The following PRRG1 variants were observed in gnomAD, a reference collection of about 807,000 sequenced individuals.
PRRG1 encodes the protein transmembrane gamma-carboxyglutamic acid protein 1.
In PRRG1, 5 loss-of-function variants were observed where a neutral mutation model predicts 11.8. The observed-to-expected ratio is 0.42, with a 90% CI of 0.22 to 0.89. The LOEUF is 0.89. Among genes scored for constraint, PRRG1 ranks in the 40% least tolerant of loss-of-function variants. PRRG1 has a pLI of 0.28. For missense variants in PRRG1, 155 were observed against 166.1 expected (o/e 0.93, Z 0.37); for synonymous variants, 66 against 60.4 (o/e 1.09, Z -0.43).
At chrX:37,435,978 G>C (rs1318738900) in intron 3 of PRRG1, among the ~76,000 whole-genome samples, 1 of 112,039 alleles carries the variant, frequency 8.9e-6, no homozygotes, top group East Asian at 2.8e-4. Context: ...AGAATGTTAT[G>C]TATTATCTTT....
At chrX:37,389,052 C>T (rs782394450) in intron 1 of PRRG1, among the ~76,000 whole-genome samples, 1 of 111,934 alleles carries the variant, frequency 8.9e-6, no homozygotes, top group African/African-American at 3.2e-5. Flanking sequence ...CCACAGATCC[C>T]TAGGGTGGGG....
chrX:37,378,177 G>T (rs1047422816), intron 1 of PRRG1, among the ~76,000 whole-genome samples: 1 of 112,123 alleles, frequency 8.9e-6, no homozygotes, highest in Non-Finnish European at 1.9e-5. Flanking sequence ...ATGGATGTTT[G>T]TTTTATTCTT....
chrX:37,382,523 GTGTATGGATA>G (rs782023772), intron 1 of PRRG1, among the ~76,000 whole-genome samples: 13 of 111,404 alleles, frequency 1.2e-4, no homozygotes, highest in Non-Finnish European at 2.1e-4. Flanking sequence ...TAATTTTCCA[GTGTATGGATA>G]TAACAAGGTT....
chrX:37,439,793 C>CTTTTT (rs36010783), intron 3 of PRRG1, among the ~76,000 whole-genome samples: 20 of 74,012 alleles, frequency 2.7e-4, no homozygotes, highest in African/African-American at 8.1e-4. Context: ...CTTTAAAATT[C>CTTTTT]TTTTTTTTTT....
At chrX:37,400,311 A>C (rs1253439976) in intron 1 of PRRG1, among the ~76,000 whole-genome samples, 2 of 112,076 alleles carry the variant, frequency 1.8e-5, no homozygotes, top group Non-Finnish European at 3.8e-5. Context: ...TCAAACTAGA[A>C]CTCAGGATTA....
intron 3 of PRRG1, among the ~76,000 whole-genome samples, chrX:37,432,236 T>C (rs187931356): frequency 0.022 from 2,450 of 109,932 alleles, 80 homozygotes; most frequent in African/African-American, 0.074. Context: ...TACAGACGCC[T>C]GCCACCACGC....
intron 1 of PRRG1, among the ~76,000 whole-genome samples, chrX:37,391,798 G>A (rs1931546066): frequency 8.9e-6 from 1 of 111,922 alleles, no homozygotes; most frequent in Admixed American, 9.4e-5. Flanking sequence ...TCACTGAGGT[G>A]TTTCTATAGT....
intron 2 of PRRG1, among the ~76,000 whole-genome samples, chrX:37,409,691 T>C (rs945246343): frequency 5.3e-4 from 60 of 112,338 alleles, no homozygotes; most frequent in African/African-American, 1.9e-3. Context: ...AAGATGCTAC[T>C]GTATGCTCAT....
At chrX:37,423,995 C>A (rs1932733482) in intron 2 of PRRG1, among the ~76,000 whole-genome samples, 2 of 111,252 alleles carry the variant, frequency 1.8e-5, no homozygotes, top group Admixed American at 1.9e-4. Flanking sequence ...AGATTTATAG[C>A]CTAGGACCAA....
intron 2 of PRRG1, 21 bp from the exon 3 acceptor site, chrX:37,425,819 T>A: frequency 8.7e-7 from 1 of 1,151,445 alleles, no homozygotes; most frequent in Non-Finnish European, 1.2e-6. Flanking sequence ...ATAGGTTTTT[T>A]ATACTTATAT....
chrX:37,378,738 G>A (rs1556373071), intron 1 of PRRG1, among the ~76,000 whole-genome samples: 1 of 111,252 alleles, frequency 9.0e-6, no homozygotes, highest in African/African-American at 3.3e-5. Flanking sequence ...TGGGAGTGAG[G>A]TGATTTGTAC....
At chrX:37,431,251 G>C (rs1295755043) in intron 3 of PRRG1, among the ~76,000 whole-genome samples, 1 of 111,795 alleles carries the variant, frequency 8.9e-6, no homozygotes, top group African/African-American at 3.2e-5. Flanking sequence ...CATTTCTGTG[G>C]GATAAGTCAC....
At chrX:37,401,888 G>C (rs1426948410) in intron 1 of PRRG1, among the ~76,000 whole-genome samples, 1 of 110,367 alleles carries the variant, frequency 9.1e-6, no homozygotes, top group Admixed American at 9.6e-5. Flanking sequence ...ATTCACAATT[G>C]CTTCAAAGAG....
chrX:37,351,505 A>G (rs956924257), intron 1 of PRRG1, among the ~76,000 whole-genome samples: 6 of 111,547 alleles, frequency 5.4e-5, no homozygotes, highest in African/African-American at 1.6e-4. Context: ...AAAAAAAAAA[A>G]AAAGAAAGAA....
intron 2 of PRRG1, among the ~76,000 whole-genome samples, chrX:37,410,337 A>C (rs1355891374): frequency 8.9e-6 from 1 of 112,182 alleles, no homozygotes; most frequent in Non-Finnish European, 1.9e-5. Flanking sequence ...TCTGTAATCC[A>C]CAGACTACTA....
In PRRG1 at chrX:37,440,950, G is replaced by T; in HGVS notation, c.172-12186G>T. 5.1e-6 allele frequency: 3 copies of T among 586,257 alleles called. No individual in the cohort carries two copies. In the South Asian group the frequency reaches 9.8e-5, roughly 19 times the overall value. 48.3% of individuals were successfully genotyped at this position (586,257 alleles called of 1,213,427 possible). A position where few individuals can be genotyped will look rare whatever the true frequency, so the allele number is the denominator to read the frequency against. ...TGGCTAATTTAAAAAACAAAATTAT[G>T]TGCAGACAAGGTCCCACCATGTTGC... On this transcript the variant is annotated intron_variant, in intron 3 of 3. Coordinates refer to ENST00000378628, the MANE Select transcript of PRRG1 (RefSeq NM_001142395.2).
chrX:37,384,318 A>G (rs182358651), intron 1 of PRRG1, among the ~76,000 whole-genome samples: 5 of 111,786 alleles, frequency 4.5e-5, no homozygotes, highest in Non-Finnish European at 7.5e-5. Context: ...TAAGGCTAAC[A>G]TAAGATTCTT....
chrX:37,430,681 C>G (rs1701468985), intron 3 of PRRG1, among the ~76,000 whole-genome samples: 1 of 111,393 alleles, frequency 9.0e-6, no homozygotes, highest in Non-Finnish European at 1.9e-5. Flanking sequence ...AAAGATAATA[C>G]ATTGAGGTCC....
At chrX:37,376,220 C>T (rs1930933700) in intron 1 of PRRG1, among the ~76,000 whole-genome samples, 1 of 109,520 alleles carries the variant, frequency 9.1e-6, no homozygotes, top group Non-Finnish European at 1.9e-5. Context: ...TTACTTCCAA[C>T]ATCTGGTTCA....
Sources: allele counts gnomAD v4.1 joint callset (sites outside exome capture counted in the v4.1 genomes callset), GRCh38; gene constraint gnomAD v4.1.1; transcripts MANE v1.5; gene names NCBI Gene and HGNC (gene_info 2026-07-23, HGNC 2026-07-21).